Variants in ZNF423 observed in about 807,000 individuals in gnomAD.
ZNF423 encodes zinc finger protein 423.
In ZNF423, 12 loss-of-function variants were observed where a neutral mutation model predicts 95.8. The ratio of observed to expected loss-of-function variants is 0.13; its 90% CI spans 0.08 to 0.20. The LOEUF is 0.20. ZNF423 is among the 10% of genes least tolerant of loss of function. The probability of loss-of-function intolerance (pLI) is 1.00; values close to 1 mark genes in which losing one functional copy is unlikely to be tolerated. For missense variants in ZNF423, 1,316 were observed against 1,737.1 expected (o/e 0.76, Z 4.31); for synonymous variants, 749 against 711.9 (o/e 1.05, Z -0.83).
intron 3 of ZNF423, among the ~76,000 whole-genome samples, chr16:49,695,796 G>A (rs1246432100): frequency 6.6e-6 from 1 of 152,184 alleles, no homozygotes; most frequent in Non-Finnish European, 1.5e-5. Flanking sequence ...GGAGAGTGTG[G>A]ACTGGAATCC....
At chr16:49,543,184 T>G (rs955614842) in intron 5 of ZNF423, among the ~76,000 whole-genome samples, 1 of 152,196 alleles carries the variant, frequency 6.6e-6, no homozygotes, top group Non-Finnish European at 1.5e-5. Context: ...AGCTGATATT[T>G]ACTTACTGAT....
intron 5 of ZNF423, among the ~76,000 whole-genome samples, chr16:49,613,238 T>C (rs1478741783): frequency 3.3e-5 from 5 of 152,126 alleles, no homozygotes; most frequent in African/African-American, 1.2e-4. Flanking sequence ...AGACAATCAA[T>C]AAAGAAGGAA....
chr16:49,729,682 TA>T (rs2033114673), intron 3 of ZNF423, among the ~76,000 whole-genome samples: 2 of 147,222 alleles, frequency 1.4e-5, no homozygotes, highest in Non-Finnish European at 3.0e-5. Context: ...TTATTATTAT[TA>T]TTTTAAAAAT....
chr16:49,810,404 C>T (rs1292149134), intron 1 of ZNF423, among the ~76,000 whole-genome samples: 1 of 152,154 alleles, frequency 6.6e-6, no homozygotes, highest in Non-Finnish European at 1.5e-5. Context: ...TGTTGGAGGC[C>T]CCCACCAGAC....
intron 1 of ZNF423, 27 bp from the exon 2 acceptor site, chr16:49,789,573 G>A (rs373059905): frequency 1.9e-6 from 3 of 1,606,950 alleles, no homozygotes; most frequent in Non-Finnish European, 2.5e-6. Context: ...AGATGGGCCT[G>A]TGAGTTTGAA....
At chr16:49,681,544 G>A (rs2031355780) in intron 3 of ZNF423, among the ~76,000 whole-genome samples, 1 of 152,242 alleles carries the variant, frequency 6.6e-6, no homozygotes, top group Non-Finnish European at 1.5e-5. Flanking sequence ...AAATGACAGG[G>A]TGTGTGCAGC....
chr16:49,492,324 A>G lies in ZNF423; in HGVS notation c.3850-1020T>C, dbSNP rs191105609. 6.2e-4 allele frequency among the ~76,000 whole-genome samples: 94 copies of G among 152,258 alleles called. 1 individual carries two copies. In the East Asian group the frequency reaches 0.017, roughly 28 times the overall value. On this transcript the variant is annotated intron_variant, in intron 7 of 7. Coordinates refer to ENST00000563137, the MANE Select transcript of ZNF423 (RefSeq NM_001379286.1). The surrounding 1 kb of genome is among the most constrained non-coding windows in gnomAD (Gnocchi z 4.2). ...GCACAGGACCCTAGATCCCCGGGAG[A>G]GGCTCCTTCTGGGCGCCCCCCAGGG...
At chr16:49,705,333 G>C (rs1469115002) in intron 3 of ZNF423, among the ~76,000 whole-genome samples, 1 of 152,072 alleles carries the variant, frequency 6.6e-6, no homozygotes, top group Non-Finnish European at 1.5e-5. Context: ...CCTCACAATG[G>C]AACAGTATAA....
chr16:49,848,566 AC>A (rs1313275639), intron 1 of ZNF423, among the ~76,000 whole-genome samples: 1 of 151,922 alleles, frequency 6.6e-6, no homozygotes, highest in Non-Finnish European at 1.5e-5. Flanking sequence ...CAGCCCCAGC[AC>A]CCCCATTATC....
chr16:49,579,560 G>T (rs1257916787), intron 5 of ZNF423, among the ~76,000 whole-genome samples: 1 of 152,144 alleles, frequency 6.6e-6, no homozygotes, highest in Non-Finnish European at 1.5e-5. Flanking sequence ...CTGTTGTTGG[G>T]CTTGTGGGGA....
At chr16:49,696,261 G>A (rs1040050079) in intron 3 of ZNF423, among the ~76,000 whole-genome samples, 3 of 152,168 alleles carry the variant, frequency 2.0e-5, no homozygotes, top group African/African-American at 4.8e-5. Flanking sequence ...TTGCGATGGT[G>A]GGGGGTGGGG....
At chr16:49,695,394 G>A (rs1244017750) in intron 3 of ZNF423, among the ~76,000 whole-genome samples, 1 of 152,250 alleles carries the variant, frequency 6.6e-6, no homozygotes, top group Non-Finnish European at 1.5e-5. Flanking sequence ...CCAGGTTCAA[G>A]TGATTCTCCT....
intron 5 of ZNF423, among the ~76,000 whole-genome samples, chr16:49,571,497 T>C: frequency 6.6e-6 from 1 of 151,522 alleles, no homozygotes. Context: ...CAAAGGCCTG[T>C]GGCTGGAATG....
chr16:49,623,151 G>A (rs1207562140), intron 5 of ZNF423, among the ~76,000 whole-genome samples: 1 of 152,122 alleles, frequency 6.6e-6, no homozygotes, highest in African/African-American at 2.4e-5. Flanking sequence ...CTGCACTCGG[G>A]GACCAACCAA....
At chr16:49,740,643 C>T (rs989819357) in intron 2 of ZNF423, among the ~76,000 whole-genome samples, 1 of 152,210 alleles carries the variant, frequency 6.6e-6, no homozygotes, top group African/African-American at 2.4e-5. Flanking sequence ...TCTGGGGAGA[C>T]CCCGGTGTCC....
chr16:49,523,810 C>T, intron 6 of ZNF423, 71 bp from the exon 7 acceptor site: 1 of 1,242,388 alleles, frequency 8.0e-7, no homozygotes, highest in Non-Finnish European at 1.2e-6. Context: ...GCTGCCCCCA[C>T]AACACTCGCA....
chr16:49,529,940 T>C (rs1487019766), intron 5 of ZNF423, among the ~76,000 whole-genome samples: 2 of 152,070 alleles, frequency 1.3e-5, no homozygotes, highest in Non-Finnish European at 2.9e-5. Context: ...AGTGGCATCA[T>C]TAATGCACAC....
intron 5 of ZNF423, among the ~76,000 whole-genome samples, chr16:49,598,353 A>T (rs1300683227): frequency 6.6e-6 from 1 of 152,282 alleles, no homozygotes; most frequent in Non-Finnish European, 1.5e-5. Context: ...TAATGCACGT[A>T]AGGTGCCTGG....
chr16:49,689,503 T>C (rs2031698047), intron 3 of ZNF423, among the ~76,000 whole-genome samples: 1 of 152,120 alleles, frequency 6.6e-6, no homozygotes, highest in Non-Finnish European at 1.5e-5. Context: ...ATATGCTGCT[T>C]TCCTGAAGTA....
Sources: allele counts gnomAD v4.1 joint callset (sites outside exome capture counted in the v4.1 genomes callset), GRCh38; gene constraint gnomAD v4.1.1; non-coding constraint Gnocchi (gnomAD v3.1); transcripts MANE v1.5; gene names NCBI Gene and HGNC (gene_info 2026-07-23, HGNC 2026-07-21).